The following IMPG1 variants were observed in gnomAD, a reference collection of about 807,000 sequenced individuals.
IMPG1 encodes interphotoreceptor matrix proteoglycan 1.
Under a neutral mutation model 92.0 loss-of-function variants are expected in IMPG1, and 85 were observed. The ratio of observed to expected loss-of-function variants is 0.92; its 90% CI spans 0.78 to 1.11. The LOEUF is 1.11. IMPG1 is among the 50% of genes least tolerant of loss of function. The pLI is 0.00. For synonymous variants in IMPG1, 367 were observed against 334.1 expected (o/e 1.10, Z -1.08); for missense variants, 1,022 against 956.0 (o/e 1.07, Z -0.91).
At chr6:75,990,348 G>A (rs967858002) in intron 12 of IMPG1, among the ~76,000 whole-genome samples, 2 of 152,114 alleles carry the variant, frequency 1.3e-5, no homozygotes, top group Non-Finnish European at 2.9e-5. Flanking sequence ...ATTCATTGCC[G>A]TGGAAGAAAA....
chr6:76,040,269 A>C (rs529009584), intron 2 of IMPG1, among the ~76,000 whole-genome samples: 6 of 152,318 alleles, frequency 3.9e-5, no homozygotes, highest in African/African-American at 1.4e-4. Flanking sequence ...CAGAGCTAAA[A>C]ATTTTGTTGC....
intron 12 of IMPG1, among the ~76,000 whole-genome samples, chr6:75,994,489 T>C (rs957810856): frequency 1.3e-5 from 2 of 152,206 alleles, no homozygotes; most frequent in Admixed American, 1.3e-4. Flanking sequence ...AAGACATATC[T>C]GAGGCTGGGT....
At chr6:75,967,438 A>G (rs1782325314) in intron 12 of IMPG1, among the ~76,000 whole-genome samples, 1 of 152,144 alleles carries the variant, frequency 6.6e-6, no homozygotes, top group African/African-American at 2.4e-5. Context: ...AGGAGGACAA[A>G]GTAAAAAGGT....
At chr6:76,066,901 C>T (rs1214737935) in intron 1 of IMPG1, among the ~76,000 whole-genome samples, 2 of 151,866 alleles carry the variant, frequency 1.3e-5, no homozygotes, top group Non-Finnish European at 2.9e-5. Flanking sequence ...AAGAGGAACT[C>T]AAAACAATGT....
At position 75,921,115 on chromosome 6, in the gene IMPG1, G is replaced by A. The variant is rs1781418925; in HGVS notation, c.*974C>T. 6.6e-6 allele frequency: 1 copy of A among 152,078 alleles called. No individual in the cohort carries two copies. The highest frequency in any genetic ancestry group is 1.5e-5 in the Non-Finnish European group (1 of 68,026). 9.4% of individuals were successfully genotyped at this position (152,078 alleles called of 1,614,324 possible). A position where few individuals can be genotyped will look rare whatever the true frequency, so the allele number is the denominator to read the frequency against. ...AACAAAGGCTCATTAAAAAACCTATGAGTATATCACTTTTACTTTATTGAA... is the reference window on the plus strand; with the variant it reads ...AACAAAGGCTCATTAAAAAACCTATAAGTATATCACTTTTACTTTATTGAA... On this transcript the variant is annotated 3_prime_UTR_variant, in exon 17 of 17. Coordinates refer to ENST00000369950, the MANE Select transcript of IMPG1 (RefSeq NM_001563.4).
At chr6:76,041,630 G>C (rs942335592) in intron 2 of IMPG1, among the ~76,000 whole-genome samples, 1 of 152,152 alleles carries the variant, frequency 6.6e-6, no homozygotes, top group African/African-American at 2.4e-5. Context: ...GTAAAATCTG[G>C]ATGCCAAGGT....
At chr6:75,924,663 TA>T (rs1562335057) in intron 15 of IMPG1, among the ~76,000 whole-genome samples, 1 of 1,708 alleles carries the variant, frequency 5.9e-4, no homozygotes, top group Non-Finnish European at 0.026. Context: ...ATATAATATA[TA>T]ATAAATTATA....
At chr6:75,991,033 C>T (rs961255057) in intron 12 of IMPG1, among the ~76,000 whole-genome samples, 4 of 152,188 alleles carry the variant, frequency 2.6e-5, no homozygotes, top group Non-Finnish European at 4.4e-5. Flanking sequence ...CTCATAGTCT[C>T]ACAGGTGGCT....
intron 5 of IMPG1, among the ~76,000 whole-genome samples, chr6:76,023,492 G>C (rs1276669984): frequency 2.0e-5 from 3 of 152,114 alleles, no homozygotes; most frequent in Non-Finnish European, 2.9e-5. Flanking sequence ...ACAATTATTA[G>C]GTAGCCTGGG....
At position 75,984,938 on chromosome 6, in the gene IMPG1, G is replaced by T. The variant is rs148941428; in HGVS notation, c.1291+17980C>A. On this transcript the variant is annotated intron_variant, in intron 12 of 16. Transcript: ENST00000369950. ...AAGCTTCCCTAGACCCTCACCAGAA[G>T]CCAAGCCAATGTTGGTGCCATGTTT... Among the ~76,000 whole-genome samples the T allele has an allele frequency of 7.9e-3, 1,200 of 152,200 alleles. 16 individuals carry two copies. Among genetic ancestry groups the T allele is most frequent in the African/African-American group, 0.027 (1,138 of 41,520 alleles).
chr6:76,002,709 G>A (rs73751908), intron 12 of IMPG1, among the ~76,000 whole-genome samples: 35 of 152,332 alleles, frequency 2.3e-4, no homozygotes, highest in African/African-American at 8.2e-4. Flanking sequence ...GTAGGACTGG[G>A]AACTAGAGCT....
chr6:75,937,264 CTT>C (rs752667034), intron 14 of IMPG1, among the ~76,000 whole-genome samples: 9 of 143,544 alleles, frequency 6.3e-5, no homozygotes, highest in Non-Finnish European at 6.1e-5. Context: ...AGAGTAAACA[CTT>C]TTTTTTTTTT....
intron 4 of IMPG1, among the ~76,000 whole-genome samples, chr6:76,025,547 G>T (rs1582113220): frequency 6.6e-6 from 1 of 152,112 alleles, no homozygotes; most frequent in Non-Finnish European, 1.5e-5. Context: ...CTGGTCTTTG[G>T]GGTCTAATGT....
chr6:76,020,567 T>G (rs1250403114), intron 6 of IMPG1, among the ~76,000 whole-genome samples: 1 of 152,130 alleles, frequency 6.6e-6, no homozygotes. Context: ...GAGTCACCTC[T>G]CAGGCCCCAG....
At chr6:75,990,974 C>T (rs1418454529) in intron 12 of IMPG1, among the ~76,000 whole-genome samples, 1 of 152,188 alleles carries the variant, frequency 6.6e-6, no homozygotes, top group Non-Finnish European at 1.5e-5. Flanking sequence ...ACATTGTATA[C>T]CTGTACTAAT....
At chr6:75,951,962 AAT>A (rs869150863) in intron 12 of IMPG1, among the ~76,000 whole-genome samples, 3 of 151,978 alleles carry the variant, frequency 2.0e-5, no homozygotes, top group Admixed American at 1.3e-4. Context: ...TAATAATAAT[AAT>A]AAAATACAGT....
chr6:75,971,694 T>C (rs1782420201), intron 12 of IMPG1, among the ~76,000 whole-genome samples: 1 of 152,196 alleles, frequency 6.6e-6, no homozygotes, highest in South Asian at 2.1e-4. Flanking sequence ...CAGTGTCTTA[T>C]CTAGTGCACC....
chr6:76,007,386 G>C (rs1783116434), intron 9 of IMPG1, 94 bp downstream of exon 9: 2 of 901,206 alleles, frequency 2.2e-6, no homozygotes, highest in African/African-American at 3.4e-5. Flanking sequence ...GCTTATCCAA[G>C]ACATTATATG....
intron 1 of IMPG1, among the ~76,000 whole-genome samples, chr6:76,044,512 T>C (rs1783901494): frequency 6.6e-6 from 1 of 152,196 alleles, no homozygotes. Context: ...CCACAGTCTT[T>C]GTTCCTTTGG....
Sources: gnomAD v4.1 joint callset for allele counts (sites outside exome capture counted in the v4.1 genomes callset) on GRCh38, gnomAD v4.1.1 for gene constraint, MANE v1.5 for transcripts, NCBI Gene and HGNC (gene_info 2026-07-23, HGNC 2026-07-21) for gene names.